Variants in TMTC1 observed in about 807,000 individuals in gnomAD.
The protein encoded by TMTC1 is transmembrane O-mannosyltransferase targeting cadherins 1.
Under a neutral mutation model 104.8 loss-of-function variants are expected in TMTC1, and 73 were observed. That is an observed-to-expected ratio of 0.70 (90% CI 0.58 to 0.85). The LOEUF (loss-of-function observed/expected upper bound fraction) is 0.85, where lower values mean the gene tolerates loss of function less well. Among genes scored for constraint, TMTC1 ranks in the 40% least tolerant of loss-of-function variants. The pLI, the probability that TMTC1 is intolerant of heterozygous loss-of-function variation, is 0.00. For synonymous variants in TMTC1, 434 were observed against 428.7 expected (o/e 1.01, Z -0.15); for missense variants, 1,035 against 1,096.1 (o/e 0.94, Z 0.79).
chr12:29,676,390 T>A (rs769904647), intron 5 of TMTC1, among the ~76,000 whole-genome samples: 9 of 152,256 alleles, frequency 5.9e-5, no homozygotes, highest in Non-Finnish European at 1.3e-4. Flanking sequence ...TTCTGGGTCC[T>A]ATCACTATTA....
rs1943097217 is a variant in TMTC1, at chr12:29,751,803, G to T, written c.801C>A (p.Gly267=). 1.2e-6 allele frequency: 2 copies of T among 1,611,910 alleles called. No homozygotes were observed. The highest frequency in any genetic ancestry group is 2.7e-5 in the African/African-American group (2 of 74,982). ...GCTTCCCATTCTCCCGGTGAGGATG[G>T]CCTGGCAGTGAGGAGGGCTGGGGGC... The part of the protein sequence containing the change: ...PGSPQPSSLP[G]HPHRENGKQQ... Residue 267 remains glycine (G), a synonymous_variant, in exon 5 of 18, where the codon GGC becomes GGA. Coordinates refer to ENST00000539277, the MANE Select transcript of TMTC1 (RefSeq NM_001193451.2).
chr12:29,580,362 G>C (rs906958726), intron 8 of TMTC1, among the ~76,000 whole-genome samples: 4 of 152,094 alleles, frequency 2.6e-5, no homozygotes, highest in Admixed American at 1.3e-4. Flanking sequence ...AAATTGTGTA[G>C]GAACCCTGCA....
rs1179224558 is a variant in TMTC1, at chr12:29,506,134, T to C, written c.*712A>G. ...CACTCTAGTAATACTTGTAATAAAA[T>C]TAAAATAGTTTTAAACACTTCCATA... On this transcript the variant is annotated 3_prime_UTR_variant, in exon 18 of 18. Transcript: ENST00000539277. 1 of 151,992 alleles carries C rather than the reference T, an allele frequency of 6.6e-6. No homozygotes were observed. The highest frequency in any genetic ancestry group is 1.5e-5 in the Non-Finnish European group (1 of 67,920). 9.4% of individuals were successfully genotyped at this position (151,992 alleles called of 1,614,324 possible). A position where few individuals can be genotyped will look rare whatever the true frequency, so the allele number is the denominator to read the frequency against.
intron 2 of TMTC1, among the ~76,000 whole-genome samples, chr12:29,765,789 C>G (rs1159408179): frequency 3.3e-5 from 5 of 152,146 alleles, no homozygotes; most frequent in Admixed American, 3.3e-4. Flanking sequence ...CCAACTATTC[C>G]TAGCTTTCAT....
At chr12:29,621,927 T>G (rs1326517966) in intron 6 of TMTC1, among the ~76,000 whole-genome samples, 1 of 152,170 alleles carries the variant, frequency 6.6e-6, no homozygotes, top group African/African-American at 2.4e-5. Context: ...ACCAGTCAGG[T>G]TGCAGATTTT....
chr12:29,538,037 T>A (rs189585820), intron 10 of TMTC1, among the ~76,000 whole-genome samples: 2 of 152,288 alleles, frequency 1.3e-5, no homozygotes, highest in African/African-American at 4.8e-5. Context: ...CTTATTAGGG[T>A]CTATCTAACT....
chr12:29,731,484 C>G (rs1250886945), intron 5 of TMTC1, among the ~76,000 whole-genome samples: 1 of 152,146 alleles, frequency 6.6e-6, no homozygotes, highest in Non-Finnish European at 1.5e-5. Flanking sequence ...AACAGCAAAG[C>G]AGTAGAGAGT....
rs181547067 is a variant in TMTC1 at position 29,603,814 on chromosome 12, T to C, written c.1250+364A>G. 1.4e-3 allele frequency among the ~76,000 whole-genome samples: 215 copies of C among 152,342 alleles called. 1 individual carries two copies. Among genetic ancestry groups the C allele is most frequent in the African/African-American group, 4.9e-3 (202 of 41,586 alleles). On this transcript the variant is annotated intron_variant, in intron 7 of 17. Coordinates refer to ENST00000539277, the MANE Select transcript of TMTC1 (RefSeq NM_001193451.2). ...TTAATTACAATCATGCTACTGAACA[T>C]AATACTTTTATGCAAGTCAAAAAAC...
In TMTC1 at chr12:29,703,013, G is replaced by A. The variant is rs368584454; in HGVS notation, c.938+48653C>T. Among the ~76,000 whole-genome samples, 20 of 151,810 alleles carry A rather than the reference G, an allele frequency of 1.3e-4. 1 individual carries two copies. The highest frequency in any genetic ancestry group is 2.1e-4 in the Non-Finnish European group (14 of 67,938). ...ATAAAAATTAGTTAGGCACGGTGGC[G>A]CGTGCCTATAATCCCAGCTACTCGG... On this transcript the variant is annotated intron_variant, in intron 5 of 17. Coordinates refer to ENST00000539277, the MANE Select transcript of TMTC1 (RefSeq NM_001193451.2).
chr12:29,641,884 C>G (rs1021440319), intron 5 of TMTC1, among the ~76,000 whole-genome samples: 13 of 152,054 alleles, frequency 8.5e-5, no homozygotes, highest in African/African-American at 2.9e-4. Flanking sequence ...AAGGAAATAG[C>G]TTAAGAAAAA....
At chr12:29,623,084 A>C (rs1167223744) in intron 6 of TMTC1, among the ~76,000 whole-genome samples, 1 of 152,236 alleles carries the variant, frequency 6.6e-6, no homozygotes, top group Non-Finnish European at 1.5e-5. Flanking sequence ...GAAACAGTTC[A>C]ACTAGAGATG....
intron 2 of TMTC1, among the ~76,000 whole-genome samples, chr12:29,764,461 T>A (rs1943419526): frequency 1.3e-5 from 2 of 152,118 alleles, no homozygotes; most frequent in Admixed American, 1.3e-4. Flanking sequence ...TAAGCTATGA[T>A]CATGCCATTG....
At chr12:29,553,971 C>T (rs299477) in intron 10 of TMTC1, among the ~76,000 whole-genome samples, 111,022 of 152,190 alleles carry the variant, frequency 0.73, 45,145 homozygotes, top group East Asian at 0.92. Flanking sequence ...TGTAGCCAAG[C>T]CTTTATATTT....
intron 2 of TMTC1, among the ~76,000 whole-genome samples, chr12:29,767,559 C>T (rs148906759): frequency 3.3e-4 from 50 of 152,260 alleles, no homozygotes; most frequent in Admixed American, 1.6e-3. Context: ...CAAAACTGAA[C>T]AAACTGTGGC....
intron 5 of TMTC1, among the ~76,000 whole-genome samples, chr12:29,704,215 A>G (rs1941679169): frequency 6.6e-6 from 1 of 152,354 alleles, no homozygotes; most frequent in Non-Finnish European, 1.5e-5. Flanking sequence ...CTTGGTTTTC[A>G]AAACATAGTA....
rs573876234 is a variant in TMTC1 at position 29,561,138 on chromosome 12, T to G, written c.1533-4138A>C. ...AGTTTGAGGCTGCAGGGCGCTATGATGGTATCATTGCACTCCAGCCCAGGA... is the reference window on the plus strand; with the variant it reads ...AGTTTGAGGCTGCAGGGCGCTATGAGGGTATCATTGCACTCCAGCCCAGGA... On this transcript the variant is annotated intron_variant, in intron 9 of 17. Transcript: ENST00000539277. Among the ~76,000 whole-genome samples the G allele has an allele frequency of 3.3e-5, 5 of 151,628 alleles. No homozygotes were observed. The South Asian group carries it at 1.0e-3, about 32-fold the overall frequency.
At chr12:29,728,196 G>A (rs577304334) in intron 5 of TMTC1, among the ~76,000 whole-genome samples, 1 of 152,280 alleles carries the variant, frequency 6.6e-6, no homozygotes, top group Non-Finnish European at 1.5e-5. Flanking sequence ...CAGGGAGTGA[G>A]GATCCATGGG....
At chr12:29,583,289 T>G in intron 8 of TMTC1, 118 bp downstream of exon 8, 1 of 915,440 alleles carries the variant, frequency 1.1e-6, no homozygotes. Context: ...TAAAACTTTA[T>G]TAAAGATAAT....
intron 5 of TMTC1, among the ~76,000 whole-genome samples, chr12:29,649,209 T>TAA (rs1414178759): frequency 6.6e-6 from 1 of 152,224 alleles, no homozygotes; most frequent in African/African-American, 2.4e-5. Flanking sequence ...CACCCTCTTT[T>TAA]ACCTCTTGTG....
Sources: gnomAD v4.1 joint callset for allele counts (sites outside exome capture counted in the v4.1 genomes callset) on GRCh38, gnomAD v4.1.1 for gene constraint, MANE v1.5 for transcripts, NCBI Gene and HGNC (gene_info 2026-07-23, HGNC 2026-07-21) for gene names.